GDA: variants seen among roughly 807,000 people sequenced by gnomAD.
GDA encodes the protein cytoplasmic PSD-95 interactor.
A neutral mutation model predicts 59.6 loss-of-function variants in GDA; 18 were observed. The observed-to-expected ratio is 0.30, with a 90% CI of 0.21 to 0.45. GDA has a LOEUF of 0.45. Ranked by LOEUF, GDA falls within the 20% of genes least tolerant of loss-of-function variation. GDA has a pLI of 1.00. For synonymous variants in GDA, 201 were observed against 201.1 expected (o/e 1.00, Z 0.00); for missense variants, 427 against 552.3 (o/e 0.77, Z 2.27).
chr9:72,232,901 T>G (rs1019817941), intron 10 of GDA, among the ~76,000 whole-genome samples: 1 of 152,220 alleles, frequency 6.6e-6, no homozygotes, highest in Admixed American at 6.5e-5. Context: ...TTAAAATGCA[T>G]GCAAATTGGT....
chr9:72,199,679 T>C (rs1833689193), intron 2 of GDA, among the ~76,000 whole-genome samples: 2 of 152,290 alleles, frequency 1.3e-5, no homozygotes, highest in Admixed American at 6.5e-5. Flanking sequence ...GAGCTAAATC[T>C]TTCCAAAATT....
At chr9:72,137,586 G>A (rs1344918269) in intron 1 of GDA, among the ~76,000 whole-genome samples, 1 of 151,778 alleles carries the variant, frequency 6.6e-6, no homozygotes, top group African/African-American at 2.4e-5. Context: ...AAGACTCTGT[G>A]GTGCTTCTAG....
intron 1 of GDA, among the ~76,000 whole-genome samples, chr9:72,151,720 G>A (rs1311099163): frequency 1.3e-5 from 2 of 151,356 alleles, no homozygotes; most frequent in East Asian, 1.9e-4. Context: ...CCATTCTCCT[G>A]CCTCAGCCTC....
intron 1 of GDA, among the ~76,000 whole-genome samples, chr9:72,130,006 G>A (rs574451353): frequency 2.0e-5 from 3 of 152,262 alleles, no homozygotes; most frequent in Admixed American, 6.5e-5. Context: ...CTTGCCAGAC[G>A]TTGTTGGATG....
At chr9:72,197,868 C>G (rs1014072240) in intron 2 of GDA, among the ~76,000 whole-genome samples, 3 of 152,118 alleles carry the variant, frequency 2.0e-5, no homozygotes, top group Admixed American at 6.5e-5. Flanking sequence ...ACAGGTCTAT[C>G]TCAGTACTGT....
chr9:72,255,473 G>A (rs955304587), downstream of GDA, among the ~76,000 whole-genome samples: 1 of 152,000 alleles, frequency 6.6e-6, no homozygotes, highest in African/African-American at 2.4e-5. Flanking sequence ...CAGAAAACAA[G>A]GTTTAGACCA....
downstream of GDA, among the ~76,000 whole-genome samples, chr9:72,258,339 A>G (rs1840908544): frequency 6.6e-6 from 1 of 152,020 alleles, no homozygotes; most frequent in African/African-American, 2.4e-5. Flanking sequence ...AGAAAATAGA[A>G]GAAAAGAAAT....
chr9:72,150,300 C>G (rs1827030458), intron 1 of GDA, among the ~76,000 whole-genome samples: 1 of 151,292 alleles, frequency 6.6e-6, no homozygotes, highest in African/African-American at 2.4e-5. Flanking sequence ...TCCTCTCTCT[C>G]TCTTATACAC....
intron 9 of GDA, among the ~76,000 whole-genome samples, chr9:72,230,853 A>G (rs1838251586): frequency 6.6e-6 from 1 of 152,174 alleles, no homozygotes; most frequent in Non-Finnish European, 1.5e-5. Flanking sequence ...TTTCCCATAC[A>G]AACGATCCCC....
chr9:72,122,533 G>A (rs909228800), intron 1 of GDA, among the ~76,000 whole-genome samples: 10 of 151,964 alleles, frequency 6.6e-5, no homozygotes, highest in Admixed American at 1.3e-4. Context: ...GAGAGTTAAC[G>A]TATGTAATGG....
chr9:72,152,461 T>A (rs1793884500), intron 1 of GDA, among the ~76,000 whole-genome samples: 1 of 152,186 alleles, frequency 6.6e-6, no homozygotes, highest in Non-Finnish European at 1.5e-5. Flanking sequence ...TTTAAGAATA[T>A]AGACTCTAAT....
In GDA at chr9:72,138,913, T is replaced by C. The variant is rs180919886; in HGVS notation, c.-100+24080T>C. Among the ~76,000 whole-genome samples, 389 of 152,356 alleles carry C rather than the reference T, an allele frequency of 2.6e-3. 3 individuals carry two copies. The highest frequency in any genetic ancestry group is 8.9e-3 in the African/African-American group (370 of 41,586). ...AGTGACAACAGCAACATCAATCATATTTAATTGACTAGGGAAAGAGAATAA... is the reference window on the plus strand; with the variant it reads ...AGTGACAACAGCAACATCAATCATACTTAATTGACTAGGGAAAGAGAATAA... On this transcript the variant is annotated intron_variant, in intron 1 of 13. Transcript: ENST00000545168.
chr9:72,231,270 T>TA, intron 10 of GDA, 89 bp downstream of exon 10: 6 of 715,238 alleles, frequency 8.4e-6, no homozygotes, highest in African/African-American at 2.0e-5. Flanking sequence ...ACTGTTCTGT[T>TA]TAAAAAAAAA....
Position 72,249,236 on chromosome 9 carries a change from T to C in GDA, c.*894T>C, listed in dbSNP as rs145348963. On this transcript the variant is annotated 3_prime_UTR_variant, in exon 14 of 14. Coordinates refer to ENST00000358399, the MANE Select transcript of GDA (RefSeq NM_004293.5). Reference sequence around the variant, plus strand: ...TGGAGTCTTCGTGAACTGGGGCAAATGCTGGCATCCAGGAGCCGCCAATAC... The same window carrying C: ...TGGAGTCTTCGTGAACTGGGGCAAACGCTGGCATCCAGGAGCCGCCAATAC... 1,249 of 985,204 alleles carry C rather than the reference T, an allele frequency of 1.3e-3. 13 individuals carry two copies. The African/African-American group carries it at 0.02, about 16-fold the overall frequency. 61.0% of individuals were successfully genotyped at this position (985,204 alleles called of 1,614,324 possible).
intron 1 of GDA, among the ~76,000 whole-genome samples, chr9:72,170,879 G>A (rs762071810): frequency 6.6e-6 from 1 of 152,102 alleles, no homozygotes; most frequent in Admixed American, 6.5e-5. Context: ...GCAGTGGCGC[G>A]ATCATAGTTC....
At chr9:72,151,923 C>T (rs1320559836) in intron 1 of GDA, among the ~76,000 whole-genome samples, 2 of 152,048 alleles carry the variant, frequency 1.3e-5, no homozygotes, top group Non-Finnish European at 2.9e-5. Flanking sequence ...AATTTTTACT[C>T]CTAAATTTTT....
At chr9:72,221,784 CTACTTA>C (rs1181662362) in intron 6 of GDA, among the ~76,000 whole-genome samples, 1 of 152,192 alleles carries the variant, frequency 6.6e-6, no homozygotes, top group African/African-American at 2.4e-5. Flanking sequence ...CAGTTAGCTC[CTACTTA>C]TAAGTGAGAA....
chr9:72,214,563 A>G (rs1835849805), intron 5 of GDA, among the ~76,000 whole-genome samples: 2 of 151,510 alleles, frequency 1.3e-5, no homozygotes, highest in Admixed American at 6.6e-5. Flanking sequence ...CAAAGTGCTG[A>G]GATTACAGGC....
intron 1 of GDA, among the ~76,000 whole-genome samples, chr9:72,133,062 G>A (rs538134831): frequency 2.0e-5 from 3 of 151,804 alleles, no homozygotes; most frequent in East Asian, 3.9e-4. Flanking sequence ...AGGCCGAGGT[G>A]GGTGGATCAC....
Sources: allele counts gnomAD v4.1 joint callset (sites outside exome capture counted in the v4.1 genomes callset), GRCh38; gene constraint gnomAD v4.1.1; transcripts MANE v1.5; gene names NCBI Gene and HGNC (gene_info 2026-07-23, HGNC 2026-07-21).